SNX10: variants seen among roughly 807,000 people sequenced by gnomAD.
SNX10 encodes the protein sorting nexin-10.
In SNX10, 25 loss-of-function variants were observed where a neutral mutation model predicts 28.5. The ratio of observed to expected loss-of-function variants is 0.88; its 90% CI spans 0.64 to 1.22. SNX10 has a LOEUF of 1.22. Ranked by LOEUF, SNX10 falls within the 50% of genes most tolerant of loss-of-function variation. The pLI, the probability that SNX10 is intolerant of heterozygous loss-of-function variation, is 0.00. For missense variants in SNX10, 223 were observed against 242.6 expected (o/e 0.92, Z 0.54); for synonymous variants, 62 against 81.4 (o/e 0.76, Z 1.28).
At chr7:26,348,762 C>A (rs1788487372) in intron 2 of SNX10, among the ~76,000 whole-genome samples, 1 of 152,248 alleles carries the variant, frequency 6.6e-6, no homozygotes, top group African/African-American at 2.4e-5. Context: ...CCTACCACTC[C>A]AGTGCACTTC....
At chr7:26,372,334 A>T in intron 6 of SNX10, 157 bp from the exon 7 acceptor site, 2 of 646,824 alleles carry the variant, frequency 3.1e-6, no homozygotes, top group Non-Finnish European at 5.5e-6. Context: ...CTAAAAAAAT[A>T]CCCAACTGCA....
chr7:26,317,091 G>A, intron 1 of SNX10, among the ~76,000 whole-genome samples: 1 of 152,110 alleles, frequency 6.6e-6, no homozygotes, highest in Non-Finnish European at 1.5e-5. Flanking sequence ...ACGGTTTGGT[G>A]GGGCACAGAC....
intron 1 of SNX10, among the ~76,000 whole-genome samples, chr7:26,308,590 G>A (rs1384161874): frequency 1.3e-5 from 2 of 152,188 alleles, no homozygotes; most frequent in Non-Finnish European, 2.9e-5. Context: ...TGCACCTGGG[G>A]AGGTATGGGA....
intron 1 of SNX10, among the ~76,000 whole-genome samples, chr7:26,317,441 A>G (rs1452016461): frequency 1.3e-5 from 2 of 152,176 alleles, no homozygotes; most frequent in Non-Finnish European, 2.9e-5. Context: ...AGAATTAACA[A>G]CATACAACAT....
chr7:26,320,523 C>T (rs1787270757), intron 1 of SNX10, among the ~76,000 whole-genome samples: 2 of 152,006 alleles, frequency 1.3e-5, no homozygotes, highest in East Asian at 3.9e-4. Flanking sequence ...TCTCTGCTTC[C>T]CGGGTCCAAG....
At chr7:26,321,899 C>T (rs1274109884) in intron 1 of SNX10, among the ~76,000 whole-genome samples, 1 of 152,142 alleles carries the variant, frequency 6.6e-6, no homozygotes, top group Non-Finnish European at 1.5e-5. Flanking sequence ...GCACATGCCA[C>T]TGTGCCTGGC....
intron 1 of SNX10, among the ~76,000 whole-genome samples, chr7:26,310,757 C>T (rs1451660468): frequency 3.3e-5 from 5 of 151,358 alleles, no homozygotes; most frequent in Non-Finnish European, 7.4e-5. Context: ...TCTCGGCTCA[C>T]TGCAAGCTCC....
rs35527687 is a variant in SNX10 at position 26,358,805 on chromosome 7, G to GTTTTTTTTTTTTTTTTTTTTTTTTT, written c.25-2151_25-2150insTTTTTTTTTTTTTTTTTTTTTTTTT. 1.1e-4 allele frequency among the ~76,000 whole-genome samples: 11 copies of GTTTTTTTTTTTTTTTTTTTTTTTTT among 100,104 alleles called. 3 individuals carry two copies. Among genetic ancestry groups the GTTTTTTTTTTTTTTTTTTTTTTTTT allele is most frequent in the African/African-American group, 4.8e-4 (11 of 22,686 alleles). The allele number at this position is 100,104 out of a possible 152,430, so 65.7% of individuals were successfully genotyped here. A position where few individuals can be genotyped will look rare whatever the true frequency, so the allele number is the denominator to read the frequency against. On this transcript the variant is annotated intron_variant, in intron 2 of 6. Transcript: ENST00000338523. Reference sequence around the variant, plus strand: ...GAGCATCACTATAGTGTTATCTTGTGTTTTTTTTTTTTTTTTTTTGACCAA... The same window carrying GTTTTTTTTTTTTTTTTTTTTTTTTT: ...GAGCATCACTATAGTGTTATCTTGTGTTTTTTTTTTTTTTTTTTTTTTTTTTTTTTTTTTTTTTTTTTTTGACCAA...
rs779298714 is a variant in SNX10 at position 26,360,997 on chromosome 7, G to A, written c.47G>A (p.Arg16Gln). Residue 16 changes from arginine (R) to glutamine (Q), a missense_variant, in exon 3 of 7, where the codon CGA becomes CAA. By Grantham distance (43) the Arg-to-Gln change is conservative (BLOSUM62 1). Transcript: ENST00000338523. ...QKEEFVSVWV[R>Q]DPRIQKEDFW... The stretch of plus-strand genomic sequence containing the variant: ...CAGGAATTTGTAAGTGTCTGGGTTC[G>A]AGATCCTAGGATTCAGAAGGAGGAC... 1.7e-5 allele frequency: 28 copies of A among 1,612,796 alleles called. No individual in the cohort carries two copies. The highest frequency in any genetic ancestry group is 1.7e-5 in the Non-Finnish European group (20 of 1,179,494).
chr7:26,317,060 G>GAGCCA (rs1400325204), intron 1 of SNX10, among the ~76,000 whole-genome samples: 1 of 152,120 alleles, frequency 6.6e-6, no homozygotes, highest in Non-Finnish European at 1.5e-5. Context: ...GAATAGTGAG[G>GAGCCA]AGCCATGCCA....
chr7:26,333,484 C>T (rs140504694), intron 1 of SNX10, among the ~76,000 whole-genome samples: 200 of 152,008 alleles, frequency 1.3e-3, no homozygotes, highest in African/African-American at 4.0e-3. Flanking sequence ...CCACCGCACC[C>T]GGCTAATTTT....
chr7:26,357,652 G>A (rs1245046045), intron 2 of SNX10, among the ~76,000 whole-genome samples: 1 of 152,156 alleles, frequency 6.6e-6, no homozygotes, highest in Non-Finnish European at 1.5e-5. Context: ...ATTAATGTTG[G>A]GCAAGAGGTC....
chr7:26,303,288 T>G (rs890139960), intron 1 of SNX10, among the ~76,000 whole-genome samples: 1 of 152,204 alleles, frequency 6.6e-6, no homozygotes, highest in Non-Finnish European at 1.5e-5. Flanking sequence ...TGCAGACAAC[T>G]CAAAGGCAAC....
At chr7:26,310,926 G>A (rs771693178) in intron 1 of SNX10, among the ~76,000 whole-genome samples, 12 of 151,906 alleles carry the variant, frequency 7.9e-5, no homozygotes, top group Admixed American at 2.6e-4. Flanking sequence ...CTCGTGATCC[G>A]CCCACCTCGG....
At position 26,372,582 on chromosome 7, in the gene SNX10, C is replaced by G; in HGVS notation, c.*10C>G. 8.0e-6 allele frequency: 12 copies of G among 1,497,018 alleles called. No homozygotes were observed. The highest frequency in any genetic ancestry group is 1.0e-5 in the Non-Finnish European group (11 of 1,073,734). The allele number at this position is 1,497,018 out of a possible 1,614,324, so 92.7% of individuals were successfully genotyped here. On this transcript the variant is annotated 3_prime_UTR_variant, in exon 7 of 7. Coordinates refer to ENST00000338523, the MANE Select transcript of SNX10 (RefSeq NM_013322.3). ...TCCGCAGGAATCCTGAAAAATAATTCTAATGTTACTATCTTAGGAATAGCA... is the reference window on the plus strand; with the variant it reads ...TCCGCAGGAATCCTGAAAAATAATTGTAATGTTACTATCTTAGGAATAGCA...
At chr7:26,329,222 C>T (rs1252456472) in intron 1 of SNX10, among the ~76,000 whole-genome samples, 1 of 152,252 alleles carries the variant, frequency 6.6e-6, no homozygotes, top group East Asian at 1.9e-4. Flanking sequence ...CCTCATCCCC[C>T]ATACTCCAGC....
intron 5 of SNX10, 72 bp from the exon 6 acceptor site, chr7:26,371,749 T>C (rs1789547721): frequency 1.9e-6 from 2 of 1,058,918 alleles, no homozygotes; most frequent in Non-Finnish European, 2.8e-6. Flanking sequence ...ACTTTTCTAA[T>C]GTTTTTCTTT....
chr7:26,362,910 C>G (rs1789137982), intron 3 of SNX10, among the ~76,000 whole-genome samples: 1 of 152,078 alleles, frequency 6.6e-6, no homozygotes, highest in African/African-American at 2.4e-5. Flanking sequence ...GTGTAGGTAC[C>G]AGGTGGATTT....
intron 2 of SNX10, among the ~76,000 whole-genome samples, chr7:26,358,886 A>G (rs1584166606): frequency 7.3e-6 from 1 of 137,606 alleles, no homozygotes; most frequent in South Asian, 2.4e-4. Context: ...TCTTGCTGCA[A>G]CCTCCGCCTC....
Sources: gnomAD v4.1 joint callset for allele counts (sites outside exome capture counted in the v4.1 genomes callset) on GRCh38, gnomAD v4.1.1 for gene constraint, MANE v1.5 for transcripts, NCBI Gene and HGNC (gene_info 2026-07-23, HGNC 2026-07-21) for gene names.